MINDY3: variants seen among roughly 807,000 people sequenced by gnomAD.
MINDY3 encodes the protein MINDY lysine 48 deubiquitinase 3.
A neutral mutation model predicts 69.2 loss-of-function variants in MINDY3; 38 were observed. The ratio of observed to expected loss-of-function variants is 0.55; its 90% CI spans 0.42 to 0.72. The LOEUF is 0.72. Among genes scored for constraint, MINDY3 ranks in the 30% least tolerant of loss-of-function variants. The pLI is 0.00. For missense variants in MINDY3, 522 were observed against 519.0 expected (o/e 1.01, Z -0.06); for synonymous variants, 192 against 180.1 (o/e 1.07, Z -0.53).
intron 10 of MINDY3, among the ~76,000 whole-genome samples, chr10:15,813,087 C>T (rs1230512737): frequency 6.6e-6 from 1 of 152,178 alleles, no homozygotes; most frequent in African/African-American, 2.4e-5. Context: ...CTAGAGTTAT[C>T]TTTTACAAAT....
chr10:15,809,881 T>C (rs563334687), intron 10 of MINDY3, among the ~76,000 whole-genome samples: 8 of 152,258 alleles, frequency 5.3e-5, no homozygotes, highest in African/African-American at 1.9e-4. Context: ...ACTCTTTCTA[T>C]ATCAGACAGA....
intron 1 of MINDY3, among the ~76,000 whole-genome samples, chr10:15,858,569 T>G (rs1834858275): frequency 6.6e-6 from 1 of 152,194 alleles, no homozygotes; most frequent in South Asian, 2.1e-4. Flanking sequence ...ACAATAACTC[T>G]GTAAGGTCTA....
At chr10:15,824,287 T>A (rs1437678399) in intron 8 of MINDY3, among the ~76,000 whole-genome samples, 1 of 152,206 alleles carries the variant, frequency 6.6e-6, no homozygotes, top group African/African-American at 2.4e-5. Flanking sequence ...CGCCACACTT[T>A]TGTTGTTTTT....
chr10:15,789,599 C>G (rs981692465), intron 11 of MINDY3, among the ~76,000 whole-genome samples: 1 of 152,078 alleles, frequency 6.6e-6, no homozygotes, highest in African/African-American at 2.4e-5. Flanking sequence ...AGTGTTACAG[C>G]GTTAAGTGGG....
At chr10:15,783,205 G>C (rs1418385646) in intron 13 of MINDY3, among the ~76,000 whole-genome samples, 1 of 152,166 alleles carries the variant, frequency 6.6e-6, no homozygotes, top group Non-Finnish European at 1.5e-5. Context: ...AAGGACTCCA[G>C]GAGCACTTTC....
At chr10:15,785,739 ATCT>A (rs1836908340) in intron 13 of MINDY3, among the ~76,000 whole-genome samples, 1 of 152,202 alleles carries the variant, frequency 6.6e-6, no homozygotes, top group African/African-American at 2.4e-5. Flanking sequence ...GAGTTTAACA[ATCT>A]TTTTTAACAA....
At chr10:15,834,401 C>T in intron 7 of MINDY3, 142 bp downstream of exon 7, 1 of 501,012 alleles carries the variant, frequency 2.0e-6, no homozygotes, top group Non-Finnish European at 3.5e-6. Flanking sequence ...ATGCATAATA[C>T]AAAGAAGTGC....
At chr10:15,794,623 ATC>A (rs1334459635) in intron 11 of MINDY3, among the ~76,000 whole-genome samples, 25 of 152,124 alleles carry the variant, frequency 1.6e-4, no homozygotes, top group Admixed American at 9.8e-4. Flanking sequence ...TTTCATATGC[ATC>A]TCTCACAACT....
intron 2 of MINDY3, among the ~76,000 whole-genome samples, chr10:15,843,892 T>C (rs984389393): frequency 1.3e-5 from 2 of 152,130 alleles, no homozygotes; most frequent in Non-Finnish European, 2.9e-5. Context: ...CAACGGTAGC[T>C]ATATCCCAGT....
At chr10:15,779,187 A>AAATT in intron 14 of MINDY3, 46 bp from the exon 15 acceptor site, 2 of 1,566,828 alleles carry the variant, frequency 1.3e-6, no homozygotes, top group Non-Finnish European at 1.7e-6. Flanking sequence ...CAGTCTTAGC[A>AAATT]AATTCTTATG....
intron 1 of MINDY3, among the ~76,000 whole-genome samples, chr10:15,855,079 A>C (rs1252482804): frequency 1.3e-5 from 2 of 152,056 alleles, no homozygotes; most frequent in African/African-American, 4.8e-5. Context: ...AAATCATGTA[A>C]CTCAATTATC....
chr10:15,817,156 C>A lies in MINDY3; in HGVS notation c.802-241G>T, dbSNP rs111482368. On this transcript the variant is annotated intron_variant, in intron 9 of 14. Transcript: ENST00000277632. ...TAAAACAACAACAATATAGATTTAA[C>A]ACAGCTGGAGATAACTATTTAGCCC... 729 of 406,268 alleles carry A rather than the reference C, an allele frequency of 1.8e-3. 4 individuals carry two copies. Among genetic ancestry groups the A allele is most frequent in the African/African-American group, 0.013 (618 of 48,360 alleles). The allele number at this position is 406,268 out of a possible 1,614,324, so 25.2% of individuals were successfully genotyped here. A position where few individuals can be genotyped will look rare whatever the true frequency, so the allele number is the denominator to read the frequency against.
At chr10:15,786,797 G>T in intron 12 of MINDY3, 149 bp from the exon 13 acceptor site, 1 of 593,874 alleles carries the variant, frequency 1.7e-6, no homozygotes, top group South Asian at 1.9e-5. Flanking sequence ...CAAATACACA[G>T]GAATGACATC....
At chr10:15,800,823 T>C (rs1014561783) in intron 10 of MINDY3, among the ~76,000 whole-genome samples, 1 of 152,162 alleles carries the variant, frequency 6.6e-6, no homozygotes, top group Admixed American at 6.6e-5. Context: ...AACCTTCCGC[T>C]TTTTGCAAAA....
chr10:15,850,888 TTC>T lies in MINDY3; in HGVS notation c.95-2947_95-2946del, dbSNP rs1424002452. On this transcript the variant is annotated intron_variant, in intron 1 of 14. Transcript: ENST00000277632. ...TCCCCCCGACACCCAGCTTTAAAAC[TTC>T]TCTCTTTTGTACTCTGTCCCTTTAT... Among the ~76,000 whole-genome samples, 9 of 152,248 alleles carry T rather than the reference TTC, an allele frequency of 5.9e-5. No individual in the cohort carries two copies. In the East Asian group the frequency reaches 1.7e-3, roughly 29 times the overall value.
intron 9 of MINDY3, among the ~76,000 whole-genome samples, chr10:15,818,956 T>A (rs553937268): frequency 2.6e-5 from 4 of 152,106 alleles, no homozygotes; most frequent in African/African-American, 9.7e-5. Context: ...CTGAATTGTA[T>A]GCTTTAAAAT....
intron 10 of MINDY3, among the ~76,000 whole-genome samples, chr10:15,802,187 CA>C (rs1342755143): frequency 6.6e-6 from 1 of 151,952 alleles, no homozygotes; most frequent in African/African-American, 2.4e-5. Context: ...TTTGACTATG[CA>C]GGGGGTTAGC....
In MINDY3 at chr10:15,795,876, T is replaced by A. The variant is rs867104878; in HGVS notation, c.955+224A>T. Reference sequence around the variant, plus strand: ...GTCAAGATTAATCAGAGGGGTCAACTACACCTTCAGTACTCCAAGAAACAC... The same window carrying A: ...GTCAAGATTAATCAGAGGGGTCAACAACACCTTCAGTACTCCAAGAAACAC... On this transcript the variant is annotated intron_variant, in intron 11 of 14. Transcript: ENST00000277632. Among the ~76,000 whole-genome samples, 11 of 152,164 alleles carry A rather than the reference T, an allele frequency of 7.2e-5. No individual in the cohort carries two copies. The East Asian group carries it at 7.7e-4, about 11-fold the overall frequency.
intron 13 of MINDY3, among the ~76,000 whole-genome samples, chr10:15,785,844 G>A (rs987999316): frequency 3.3e-5 from 5 of 151,880 alleles, no homozygotes; most frequent in East Asian, 1.9e-4. Context: ...TAATAATAGC[G>A]GTAAAATAGA....
Sources: allele counts gnomAD v4.1 joint callset (sites outside exome capture counted in the v4.1 genomes callset), GRCh38; gene constraint gnomAD v4.1.1; transcripts MANE v1.5; gene names NCBI Gene and HGNC (gene_info 2026-07-23, HGNC 2026-07-21).